Variants in LCMT1 observed in about 807,000 individuals in gnomAD.
LCMT1 encodes leucine carboxyl methyltransferase 1.
Under a neutral mutation model 47.7 loss-of-function variants are expected in LCMT1, and 32 were observed. The observed-to-expected ratio is 0.67, with a 90% confidence interval of 0.51 to 0.90. The LOEUF is 0.90. Ranked by LOEUF, LCMT1 falls within the 40% of genes least tolerant of loss-of-function variation. The pLI is 0.00. For synonymous variants in LCMT1, 152 were observed against 149.7 expected, an observed-to-expected ratio of 1.02 and a Z score of -0.11; for missense variants, 375 against 415.2, an observed-to-expected ratio of 0.90 and a Z score of 0.84.
chr16:25,126,983 G>A (rs1486258198), intron 1 of LCMT1, among the ~76,000 whole-genome samples: 3 of 152,150 alleles, frequency 2.0e-5, no homozygotes, highest in African/African-American at 7.2e-5. Context: ...GACACTATAT[G>A]ATTTCTTTGA....
intron 5 of LCMT1, among the ~76,000 whole-genome samples, chr16:25,157,941 A>T (rs542490333): frequency 1.4e-4 from 22 of 152,372 alleles, no homozygotes; most frequent in African/African-American, 4.6e-4. Context: ...TTGGGTTTAA[A>T]CAGCTGAAGT....
chr16:25,111,924 G>T lies in LCMT1; in HGVS notation c.41G>T (p.Cys14Phe). 1.2e-6 allele frequency: 2 copies of T among 1,613,602 alleles called. No individual in the cohort carries two copies. The highest frequency in any genetic ancestry group is 1.7e-6 in the Non-Finnish European group (2 of 1,179,750). ...RQRESSITSC[C>F]STSSCDADDE... ...AGGGAATCCTCTATCACCTCCTGCT[G>T]TTCCACCTCGAGCTGCGACGCAGAC... Residue 14 changes from cysteine (C) to phenylalanine (F), a missense_variant, in exon 1 of 11, where the codon TGT becomes TTT. Physicochemically the swap from Cys to Phe is radical, Grantham distance 205 (BLOSUM62 -2). Coordinates refer to ENST00000399069, the MANE Select transcript of LCMT1 (RefSeq NM_016309.3).
chr16:25,166,257 G>A (rs1362543247), intron 7 of LCMT1, among the ~76,000 whole-genome samples: 1 of 140,988 alleles, frequency 7.1e-6, no homozygotes, highest in Non-Finnish European at 1.5e-5. Context: ...GTGACCGAGC[G>A]AGACGCCATC....
At chr16:25,138,977 G>A (rs1166779618) in intron 3 of LCMT1, among the ~76,000 whole-genome samples, 1 of 150,652 alleles carries the variant, frequency 6.6e-6, no homozygotes, top group Non-Finnish European at 1.5e-5. Flanking sequence ...GTCTCGCTTT[G>A]TCGCCAGGCT....
intron 4 of LCMT1, among the ~76,000 whole-genome samples, chr16:25,148,552 G>A (rs149209637): frequency 1.3e-5 from 2 of 152,322 alleles, no homozygotes; most frequent in Non-Finnish European, 2.9e-5. Context: ...CTGCACGGGT[G>A]TCTGTTCAGT....
intron 1 of LCMT1, among the ~76,000 whole-genome samples, chr16:25,116,378 T>C (rs1959785632): frequency 6.6e-6 from 1 of 152,204 alleles, no homozygotes; most frequent in East Asian, 1.9e-4. Context: ...GTGACCTTGC[T>C]TTTTTCTCTG....
chr16:25,150,726 T>TG (rs1434184739), intron 4 of LCMT1, among the ~76,000 whole-genome samples: 2 of 152,072 alleles, frequency 1.3e-5, no homozygotes, highest in Admixed American at 6.6e-5. Context: ...ATTCTTATAT[T>TG]GAAAAAAATG....
chr16:25,133,101 T>A (rs1289778540), intron 3 of LCMT1, among the ~76,000 whole-genome samples: 1 of 151,766 alleles, frequency 6.6e-6, no homozygotes, highest in Non-Finnish European at 1.5e-5. Context: ...CCTCAAGCGA[T>A]CCTCCTGCCT....
chr16:25,157,397 TA>T (rs1032576198), intron 5 of LCMT1, among the ~76,000 whole-genome samples: 13 of 150,262 alleles, frequency 8.7e-5, no homozygotes, highest in Non-Finnish European at 1.6e-4. Context: ...ATACAAATAA[TA>T]AAAAAAATTA....
intron 10 of LCMT1, among the ~76,000 whole-genome samples, chr16:25,177,786 T>TA (rs948465610): frequency 6.6e-6 from 1 of 152,184 alleles, no homozygotes; most frequent in Non-Finnish European, 1.5e-5. Flanking sequence ...TAAACTGTTA[T>TA]AATGTTTTCT....
chr16:25,176,007 C>T (rs1002747298), intron 10 of LCMT1, among the ~76,000 whole-genome samples: 2 of 152,204 alleles, frequency 1.3e-5, no homozygotes, highest in African/African-American at 4.8e-5. Context: ...TTTCCATCCA[C>T]TTACAACCAG....
chr16:25,142,405 G>GA (rs1293616142), intron 4 of LCMT1: 1 of 152,198 alleles, frequency 6.6e-6, no homozygotes, highest in East Asian at 1.9e-4. Context: ...AAAGGAAAGG[G>GA]AGACACTTAG....
chr16:25,133,412 T>G (rs1395375162), intron 3 of LCMT1, among the ~76,000 whole-genome samples: 1 of 120,938 alleles, frequency 8.3e-6, no homozygotes, highest in East Asian at 2.6e-4. Flanking sequence ...TTTTTTTTTT[T>G]TTTGAGACAG....
Position 25,163,941 on chromosome 16 carries a change from C to A in LCMT1, c.570-657C>A, listed in dbSNP as rs147058050. Among the ~76,000 whole-genome samples, 401 of 152,226 alleles carry A rather than the reference C, an allele frequency of 2.6e-3. 2 individuals carry two copies. The highest frequency in any genetic ancestry group is 3.1e-3 in the Non-Finnish European group (209 of 68,004). ...GCTGGAGGTTCTTCTGCAGTTTGGA[C>A]AGGGCTTAGCTGGATGGTTCTGCTT... is the stretch of plus-strand genomic sequence containing the variant. On this transcript the variant is annotated intron_variant, in intron 6 of 10. Transcript: ENST00000399069.
intron 1 of LCMT1, chr16:25,125,876 T>A: frequency 8.6e-6 from 2 of 233,758 alleles, no homozygotes; most frequent in Non-Finnish European, 1.3e-5. Context: ...TAATAATAGT[T>A]TTGTTGCCAA....
rs915075156 is a variant in LCMT1, at chr16:25,161,111, T to A, written c.476T>A (p.Ile159Lys). ...SEDTLQMDGH[I>K]LDSKRYAVIG... ...CTGATTGCATTTGCAGATGGACACA[T>A]ACTGGATTCAAAGAGATATGCCGTT... is the stretch of plus-strand genomic sequence containing the variant. The change falls in exon 6 of 11, where the codon ATA (isoleucine) becomes AAA (lysine). Residue 159 changes from isoleucine (I) to lysine (K), a missense_variant. By Grantham distance (102) the Ile-to-Lys change is moderately radical. Coordinates refer to ENST00000399069, the MANE Select transcript of LCMT1 (RefSeq NM_016309.3). The A allele has an allele frequency of 2.5e-6, 4 of 1,602,882 alleles. No homozygotes were observed. The African/African-American group carries it at 4.0e-5, about 16-fold the overall frequency.
intron 1 of LCMT1, among the ~76,000 whole-genome samples, chr16:25,125,474 G>A (rs950654544): frequency 5.9e-5 from 9 of 152,302 alleles, no homozygotes; most frequent in African/African-American, 1.9e-4. Flanking sequence ...GATTGTGCCA[G>A]TTTAAGGTTC....
intron 4 of LCMT1, chr16:25,144,066 T>C (rs187755831): frequency 5.2e-4 from 80 of 152,382 alleles, no homozygotes; most frequent in Non-Finnish European, 8.8e-4. Context: ...CCTTGGCTGA[T>C]GAGGGACCAG....
rs776674115 is a variant in LCMT1, at chr16:25,132,524, G to T, written c.327+1G>T. ...GGATACCACCTTCTGGAGATTAAAGGTATGTTCAAATTCCCCTCCTCCCTC... is the reference window on the plus strand; with the variant it reads ...GGATACCACCTTCTGGAGATTAAAGTTATGTTCAAATTCCCCTCCTCCCTC... On this transcript the variant is annotated splice_donor_variant, in intron 3 of 10. Coordinates refer to ENST00000399069, the MANE Select transcript of LCMT1 (RefSeq NM_016309.3). LOFTEE classifies it high-confidence loss of function. The T allele has an allele frequency of 3.7e-6, 6 of 1,613,100 alleles. No homozygotes were observed. In the Admixed American group the frequency reaches 5.0e-5, roughly 13 times the overall value.
Sources: allele counts gnomAD v4.1 joint callset (sites outside exome capture counted in the v4.1 genomes callset), GRCh38; gene constraint gnomAD v4.1.1; transcripts MANE v1.5; gene names NCBI Gene and HGNC (gene_info 2026-07-23, HGNC 2026-07-21).